CTNNA2: variants seen among roughly 807,000 people sequenced by gnomAD.
CTNNA2 encodes the protein catenin alpha-2.
A neutral mutation model predicts 101.0 loss-of-function variants in CTNNA2; 42 were observed. That is an observed-to-expected ratio of 0.42 (90% CI 0.32 to 0.54). CTNNA2 has a LOEUF of 0.54. Ranked by LOEUF, CTNNA2 falls within the 20% of genes least tolerant of loss-of-function variation. The pLI is 0.14. For missense variants in CTNNA2, 871 were observed against 1,223.1 expected (o/e 0.71, Z 4.29); for synonymous variants, 450 against 456.4 (o/e 0.99, Z 0.18).
At chr2:79,318,658 T>C (rs1676551536) in intron 3 of CTNNA2, among the ~76,000 whole-genome samples, 1 of 152,276 alleles carries the variant, frequency 6.6e-6, no homozygotes, top group South Asian at 2.1e-4. Context: ...TTTATCAAAC[T>C]ATGGCTTACA....
At chr2:80,021,691 T>C in intron 7 of CTNNA2, among the ~76,000 whole-genome samples, 1 of 151,982 alleles carries the variant, frequency 6.6e-6, no homozygotes, top group East Asian at 1.9e-4. Flanking sequence ...CTAATGAACA[T>C]ATGCATTGCC....
intron 3 of CTNNA2, among the ~76,000 whole-genome samples, chr2:79,359,068 A>T (rs1677569999): frequency 6.6e-6 from 1 of 152,198 alleles, no homozygotes; most frequent in Non-Finnish European, 1.5e-5. Context: ...GATCACTTAT[A>T]TTCCTGAATT....
chr2:79,751,064 T>G (rs1261396186), intron 3 of CTNNA2, among the ~76,000 whole-genome samples: 1 of 151,804 alleles, frequency 6.6e-6, no homozygotes, highest in African/African-American at 2.4e-5. Context: ...ATTTCAGGAG[T>G]TGTGGAAAAA....
chr2:79,618,539 CAG>C (rs935775034), intron 1 of CTNNA2, among the ~76,000 whole-genome samples: 17 of 152,102 alleles, frequency 1.1e-4, no homozygotes, highest in African/African-American at 4.1e-4. Context: ...GCTCTGGAAA[CAG>C]GGTCACCTCT....
At chr2:80,239,710 G>C (rs1354643378) in intron 7 of CTNNA2, among the ~76,000 whole-genome samples, 1 of 151,966 alleles carries the variant, frequency 6.6e-6, no homozygotes, top group African/African-American at 2.4e-5. Flanking sequence ...TCAGGAGTTC[G>C]AGACCAGCCT....
intron 1 of CTNNA2, among the ~76,000 whole-genome samples, chr2:79,602,865 T>G (rs1477020356): frequency 6.6e-6 from 1 of 152,128 alleles, no homozygotes; most frequent in Non-Finnish European, 1.5e-5. Flanking sequence ...ATCAATATAG[T>G]AAAGATGTCA....
chr2:80,079,557 G>A (rs895697129), intron 7 of CTNNA2, among the ~76,000 whole-genome samples: 55 of 152,300 alleles, frequency 3.6e-4, no homozygotes, highest in African/African-American at 1.3e-3. Flanking sequence ...GCTCACGCCC[G>A]CAGTCCCAGT....
At chr2:80,291,153 T>A (rs535220398) in intron 7 of CTNNA2, among the ~76,000 whole-genome samples, 9 of 152,374 alleles carry the variant, frequency 5.9e-5, no homozygotes, top group Admixed American at 2.6e-4. Flanking sequence ...AGATAGTTTT[T>A]CCTCGTGGGA....
intron 9 of CTNNA2, among the ~76,000 whole-genome samples, chr2:80,472,964 T>C (rs1216542553): frequency 1.3e-5 from 2 of 152,164 alleles, no homozygotes; most frequent in Non-Finnish European, 2.9e-5. Context: ...TGAAATGTAT[T>C]AGGTACCTAC....
intron 8 of CTNNA2, among the ~76,000 whole-genome samples, chr2:80,403,226 G>A (rs913587950): frequency 6.6e-6 from 1 of 152,136 alleles, no homozygotes; most frequent in East Asian, 1.9e-4. Flanking sequence ...TCTTCATCAT[G>A]GACGAACCTC....
chr2:80,016,856 G>A (rs1222802390), intron 7 of CTNNA2, among the ~76,000 whole-genome samples: 10 of 152,124 alleles, frequency 6.6e-5, no homozygotes, highest in Non-Finnish European at 1.0e-4. Flanking sequence ...TAGGAAGACA[G>A]TATTCAACAT....
At chr2:79,264,486 G>A (rs1674965267) in intron 2 of CTNNA2, among the ~76,000 whole-genome samples, 1 of 151,946 alleles carries the variant, frequency 6.6e-6, no homozygotes, top group South Asian at 2.1e-4. Context: ...ATCTCCTCTT[G>A]ATCATGAGAT....
At chr2:80,259,045 G>T (rs1480468651) in intron 7 of CTNNA2, among the ~76,000 whole-genome samples, 1 of 152,102 alleles carries the variant, frequency 6.6e-6, no homozygotes, top group Non-Finnish European at 1.5e-5. Flanking sequence ...AGAATTCAGG[G>T]TTTCTGAAAC....
chr2:79,761,598 G>A (rs573223988), intron 3 of CTNNA2, among the ~76,000 whole-genome samples: 1 of 152,276 alleles, frequency 6.6e-6, no homozygotes, highest in Non-Finnish European at 1.5e-5. Context: ...CATAAAGGAA[G>A]AAGCAGTTTG....
At chr2:80,423,182 C>T (rs573245567) in intron 9 of CTNNA2, among the ~76,000 whole-genome samples, 21 of 152,084 alleles carry the variant, frequency 1.4e-4, no homozygotes, top group Middle Eastern at 6.8e-3. Flanking sequence ...TTTATCTCTG[C>T]TCTCTTTATA....
chr2:80,098,928 G>A (rs1421327600), intron 7 of CTNNA2, among the ~76,000 whole-genome samples: 2 of 152,008 alleles, frequency 1.3e-5, no homozygotes, highest in Non-Finnish European at 2.9e-5. Context: ...ACTAGGAAAG[G>A]GAATTCCCTG....
intron 7 of CTNNA2, among the ~76,000 whole-genome samples, chr2:80,332,646 A>C (rs1238467153): frequency 6.6e-6 from 1 of 152,252 alleles, no homozygotes; most frequent in Non-Finnish European, 1.5e-5. Context: ...GAAAACATTT[A>C]AGAAATCAAA....
At chr2:79,398,279 T>C (rs985203503) in intron 4 of CTNNA2, among the ~76,000 whole-genome samples, 4 of 152,120 alleles carry the variant, frequency 2.6e-5, no homozygotes, top group African/African-American at 7.2e-5. Flanking sequence ...TCTGTATGCC[T>C]TTTCCTAGCA....
chr2:80,125,868 C>G (rs1204432634), intron 7 of CTNNA2, among the ~76,000 whole-genome samples: 1 of 152,112 alleles, frequency 6.6e-6, no homozygotes, highest in East Asian at 1.9e-4. Flanking sequence ...CAATAATACC[C>G]CACATGATAG....
Sources: allele counts gnomAD v4.1 joint callset (sites outside exome capture counted in the v4.1 genomes callset), GRCh38; gene constraint gnomAD v4.1.1; transcripts MANE v1.5; gene names NCBI Gene and HGNC (gene_info 2026-07-23, HGNC 2026-07-21).